Variants in ELL observed in about 807,000 individuals in gnomAD.
ELL encodes elongation factor for RNA polymerase II, also known as RNA polymerase II elongation factor ELL.
A neutral mutation model predicts 64.0 loss-of-function variants in ELL; 18 were observed. The ratio of observed to expected loss-of-function variants is 0.28; its 90% CI spans 0.19 to 0.42. The LOEUF (loss-of-function observed/expected upper bound fraction) is 0.42, where lower values mean the gene tolerates loss of function less well. ELL is among the 10% of genes least tolerant of loss of function. ELL has a pLI of 1.00. For synonymous variants in ELL, 399 were observed against 376.2 expected, an observed-to-expected ratio of 1.06 and a Z score of -0.70; for missense variants, 797 against 870.4, an observed-to-expected ratio of 0.92 and a Z score of 1.06.
In ELL at chr19:18,476,605, G is replaced by C. The variant is rs186840091; in HGVS notation, c.136-3723C>G. On this transcript the variant is annotated intron_variant, in intron 1 of 11. Transcript: ENST00000262809. Reference sequence around the variant, plus strand: ...CTTGCCAAGTCGCTTATCCCCCAAGGGTATGGAGAACAAGACTTCATGCCT... The same window carrying C: ...CTTGCCAAGTCGCTTATCCCCCAAGCGTATGGAGAACAAGACTTCATGCCT... 9.9e-5 allele frequency among the ~76,000 whole-genome samples: 15 copies of C among 152,278 alleles called. No individual in the cohort carries two copies. The East Asian group carries it at 2.7e-3, about 27-fold the overall frequency.
intron 6 of ELL, among the ~76,000 whole-genome samples, chr19:18,451,850 C>T (rs1181158849): frequency 6.6e-6 from 1 of 152,198 alleles, no homozygotes; most frequent in East Asian, 1.9e-4. Flanking sequence ...GACTTCCCCA[C>T]TCACTGTCCC....
chr19:18,471,408 C>T (rs1017312813), intron 2 of ELL: 8 of 432,722 alleles, frequency 1.8e-5, no homozygotes, highest in Non-Finnish European at 3.7e-5. Context: ...GGTGGCTCAC[C>T]TGTAATCCCA....
At chr19:18,461,520 C>T (rs892023045) in intron 5 of ELL, 58 bp downstream of exon 5, 65 of 1,544,188 alleles carry the variant, frequency 4.2e-5, no homozygotes, top group Non-Finnish European at 4.9e-5. Context: ...CCATCCCACC[C>T]GCACAAGACC....
At position 18,446,370 on chromosome 19, in the gene ELL, C is replaced by T. The variant is rs115932129; in HGVS notation, c.1643G>A (p.Arg548Gln). 566 of 1,608,964 alleles carry T rather than the reference C, an allele frequency of 3.5e-4. 2 individuals carry two copies. In the African/African-American group the frequency reaches 6.6e-3, roughly 19 times the overall value. The change falls in exon 10 of 12, where the codon CGG becomes CAG. Residue 548 changes from arginine to glutamine, a missense_variant. Transcript: ENST00000262809. ...CTGGGCGTCGAGCTGGGTGAACCGC[C>T]GCGTGATGCGCTCAATGCGGGCGTG... is the stretch of plus-strand genomic sequence containing the variant. ...DLHARIERIT[R>Q]RFTQLDAQLR... is the part of the protein sequence containing the mutation.
chr19:18,460,833 C>T (rs570534480), intron 5 of ELL, among the ~76,000 whole-genome samples: 1 of 152,306 alleles, frequency 6.6e-6, no homozygotes, highest in South Asian at 2.1e-4. Flanking sequence ...ACCACAGCAG[C>T]GATCCGAGGA....
intron 1 of ELL, among the ~76,000 whole-genome samples, chr19:18,504,854 C>T (rs1274094473): frequency 1.3e-5 from 2 of 152,182 alleles, no homozygotes; most frequent in Admixed American, 1.3e-4. Flanking sequence ...GTCCAGTGGA[C>T]AGGGCCTGAG....
intron 8 of ELL, among the ~76,000 whole-genome samples, chr19:18,447,412 T>C (rs559125044): frequency 2.0e-5 from 3 of 152,300 alleles, no homozygotes; most frequent in Non-Finnish European, 2.9e-5. Context: ...AATTGCACGC[T>C]CCACAAGGCA....
At chr19:18,486,064 G>C (rs1227370769) in intron 1 of ELL, among the ~76,000 whole-genome samples, 1 of 151,916 alleles carries the variant, frequency 6.6e-6, no homozygotes, top group Non-Finnish European at 1.5e-5. Context: ...AAGCCCCTCA[G>C]CCACTGTTTC....
intron 2 of ELL, among the ~76,000 whole-genome samples, chr19:18,470,494 C>T (rs1975042304): frequency 6.6e-6 from 1 of 152,250 alleles, no homozygotes; most frequent in African/African-American, 2.4e-5. Flanking sequence ...ACCTCTGACC[C>T]CTGAGAGAAT....
intron 1 of ELL, among the ~76,000 whole-genome samples, chr19:18,505,732 G>C (rs888636816): frequency 6.6e-6 from 1 of 152,134 alleles, no homozygotes; most frequent in Non-Finnish European, 1.5e-5. Flanking sequence ...GATGCGGCTT[G>C]TGTTCCCCTG....
chr19:18,475,004 A>C (rs1975147204), intron 1 of ELL, among the ~76,000 whole-genome samples: 1 of 152,180 alleles, frequency 6.6e-6, no homozygotes, highest in Non-Finnish European at 1.5e-5. Context: ...GGCACCTGTA[A>C]TCCCAACTAC....
At chr19:18,482,763 T>TTGTTGTTGTTG (rs1975329684) in intron 1 of ELL, among the ~76,000 whole-genome samples, 32 of 149,602 alleles carry the variant, frequency 2.1e-4, no homozygotes, top group Admixed American at 4.6e-4. Context: ...CTTTTTGGTT[T>TTGTTGTTGTTG]TTGTTGTTGT....
chr19:18,509,503 T>C (rs1283307691), intron 1 of ELL, among the ~76,000 whole-genome samples: 1 of 151,622 alleles, frequency 6.6e-6, no homozygotes, highest in Non-Finnish European at 1.5e-5. Flanking sequence ...AGGCCCCCAC[T>C]AATCAGCCTA....
At chr19:18,474,981 G>A (rs941798608) in intron 1 of ELL, among the ~76,000 whole-genome samples, 28 of 152,160 alleles carry the variant, frequency 1.8e-4, no homozygotes, top group African/African-American at 6.0e-4. Flanking sequence ...AAAATTAGCT[G>A]GGCGTGGCAG....
At chr19:18,469,772 T>C (rs578204749) in intron 2 of ELL, among the ~76,000 whole-genome samples, 2 of 152,292 alleles carry the variant, frequency 1.3e-5, no homozygotes, top group Admixed American at 6.5e-5. Flanking sequence ...CCAGGGGGCG[T>C]TGCTTCCACC....
In ELL at chr19:18,496,240, T is replaced by C. The variant is rs529937136; in HGVS notation, c.136-23358A>G. 1.5e-4 allele frequency among the ~76,000 whole-genome samples: 23 copies of C among 152,298 alleles called. 1 individual carries two copies. The highest frequency in any genetic ancestry group is 1.2e-3 in the South Asian group (6 of 4,826). ...GAGCTGTGACGGCCATGCCTGAGTG[T>C]GTGGGCGTGGTTGTGAAAAGAGCCA... On this transcript the variant is annotated intron_variant, in intron 1 of 11. Transcript: ENST00000262809.
At chr19:18,471,761 C>T (rs981342322) in intron 2 of ELL, among the ~76,000 whole-genome samples, 1 of 152,164 alleles carries the variant, frequency 6.6e-6, no homozygotes, top group Non-Finnish European at 1.5e-5. Flanking sequence ...GTAGATGACT[C>T]ACCCTTTCTC....
At chr19:18,509,595 A>G (rs62123871) in intron 1 of ELL, among the ~76,000 whole-genome samples, 3,381 of 37,650 alleles carry the variant, frequency 0.09, 188 homozygotes, top group African/African-American at 0.3. Context: ...GCGCGCGCGC[A>G]CATACACACA....
chr19:18,510,887 C>T (rs564235767), intron 1 of ELL, among the ~76,000 whole-genome samples: 35 of 152,080 alleles, frequency 2.3e-4, no homozygotes, highest in Non-Finnish European at 3.8e-4. Flanking sequence ...TTTGGGAGGC[C>T]GAGGTGGACA....
Sources: gnomAD v4.1 joint callset for allele counts (sites outside exome capture counted in the v4.1 genomes callset) on GRCh38, gnomAD v4.1.1 for gene constraint, MANE v1.5 for transcripts, NCBI Gene and HGNC (gene_info 2026-07-23, HGNC 2026-07-21) for gene names.